Variants in RALGAPA2 observed in about 807,000 individuals in gnomAD.
The protein encoded by RALGAPA2 is Ral GTPase activating protein catalytic subunit alpha 2, also known as ral GTPase-activating protein subunit alpha-2.
Under a neutral mutation model 230.4 loss-of-function variants are expected in RALGAPA2, and 139 were observed. The ratio of observed to expected loss-of-function variants is 0.60; its 90% CI spans 0.53 to 0.69. RALGAPA2 has a LOEUF of 0.69. RALGAPA2 is among the 30% of genes least tolerant of loss of function. The pLI, the probability that RALGAPA2 is intolerant of heterozygous loss-of-function variation, is 0.00. For synonymous variants in RALGAPA2, 847 were observed against 837.8 expected, an observed-to-expected ratio of 1.01 and a Z score of -0.19; for missense variants, 2,163 against 2,276.0, an observed-to-expected ratio of 0.95 and a Z score of 1.01.
intron 9 of RALGAPA2, among the ~76,000 whole-genome samples, chr20:20,634,283 C>CT (rs892253392): frequency 2.2e-4 from 34 of 152,062 alleles, no homozygotes; most frequent in African/African-American, 7.2e-4. Context: ...ATTTCGAACT[C>CT]TAAGTTTTTA....
chr20:20,577,458 CA>C (rs1369171611), intron 20 of RALGAPA2, among the ~76,000 whole-genome samples: 1 of 152,148 alleles, frequency 6.6e-6, no homozygotes, highest in African/African-American at 2.4e-5. Context: ...GTAGTTCCCA[CA>C]AGAGTATCAT....
chr20:20,457,897 C>T (rs1363218533), intron 37 of RALGAPA2, among the ~76,000 whole-genome samples: 1 of 152,302 alleles, frequency 6.6e-6, no homozygotes, highest in Middle Eastern at 3.4e-3. Context: ...AGGGAACATG[C>T]CACGTGGGCA....
intron 37 of RALGAPA2, among the ~76,000 whole-genome samples, chr20:20,451,402 T>TA (rs979756021): frequency 1.3e-5 from 2 of 152,266 alleles, no homozygotes; most frequent in South Asian, 2.1e-4. Context: ...AATCTATTTT[T>TA]AAAAAAATCT....
At chr20:20,690,015 T>C (rs2068847007) in intron 1 of RALGAPA2, among the ~76,000 whole-genome samples, 1 of 152,180 alleles carries the variant, frequency 6.6e-6, no homozygotes, top group Admixed American at 6.5e-5. Context: ...GTCATATCTT[T>C]TTCAGTCTAA....
Position 20,712,110 on chromosome 20 carries a change from T to C in RALGAPA2, c.106+265A>G, listed in dbSNP as rs377634916. 3.9e-5 allele frequency among the ~76,000 whole-genome samples: 6 copies of C among 152,130 alleles called. No homozygotes were observed. In the East Asian group the frequency reaches 5.8e-4, roughly 15 times the overall value. The stretch of plus-strand genomic sequence containing the variant: ...GGGACAGGTACCTCTGTGCCCGGCC[T>C]CCAGGTTCTCCGGGAGCGCAGGCGC... On this transcript the variant is annotated intron_variant, in intron 1 of 39. Transcript: ENST00000202677. The surrounding 1 kb of genome is among the most constrained non-coding windows in gnomAD (Gnocchi z 5.5).
rs773936107 is a variant in RALGAPA2 at position 20,512,849 on chromosome 20, T to C, written c.4520A>G (p.Gln1507Arg). 1.2e-6 allele frequency: 2 copies of C among 1,613,566 alleles called. No homozygotes were observed. The highest frequency in any genetic ancestry group is 4.5e-5 in the East Asian group (2 of 44,890). ...SSWHRDTFGPQKDSSQVEEGD... is the reference protein window; with the variant it reads ...SSWHRDTFGPRKDSSQVEEGD... ...CTCCTCAACTTGAGAAGAGTCTTTC[T>C]GAGGTCCAAATGTGTCACGATGCCA... The change falls in exon 32 of 40, where the codon CAG becomes CGG. Residue 1507 changes from glutamine (Q) to arginine (R), a missense_variant. Transcript: ENST00000202677.
intron 1 of RALGAPA2, among the ~76,000 whole-genome samples, chr20:20,683,150 T>C (rs2068580442): frequency 6.6e-6 from 1 of 152,220 alleles, no homozygotes; most frequent in Non-Finnish European, 1.5e-5. Context: ...TATGCCATTC[T>C]GTTAGCCTGC....
At chr20:20,435,990 G>A (rs909949585) in intron 37 of RALGAPA2, among the ~76,000 whole-genome samples, 2 of 152,192 alleles carry the variant, frequency 1.3e-5, no homozygotes, top group African/African-American at 4.8e-5. Flanking sequence ...TTGAAATGGG[G>A]TGAGTTATGT....
At chr20:20,583,867 G>A (rs2065056678) in intron 19 of RALGAPA2, among the ~76,000 whole-genome samples, 1 of 152,172 alleles carries the variant, frequency 6.6e-6, no homozygotes, top group South Asian at 2.1e-4. Flanking sequence ...AGAGTCTCCT[G>A]TCTACTTCAT....
chr20:20,578,678 C>T (rs1385608934), intron 20 of RALGAPA2, among the ~76,000 whole-genome samples: 1 of 152,032 alleles, frequency 6.6e-6, no homozygotes, highest in Non-Finnish European at 1.5e-5. Context: ...AATGTAGCCT[C>T]GGTCTCTGAA....
intron 37 of RALGAPA2, among the ~76,000 whole-genome samples, chr20:20,460,153 G>A (rs1277542738): frequency 6.6e-6 from 1 of 152,168 alleles, no homozygotes; most frequent in Non-Finnish European, 1.5e-5. Context: ...CTTCTAGTTG[G>A]GGCTGGGAGA....
At chr20:20,684,338 A>G (rs1016388846) in intron 1 of RALGAPA2, among the ~76,000 whole-genome samples, 2 of 152,110 alleles carry the variant, frequency 1.3e-5, no homozygotes, top group Non-Finnish European at 2.9e-5. Context: ...CTACTGGGAG[A>G]TCAACAAGTC....
chr20:20,568,196 C>T (rs2064507743), intron 23 of RALGAPA2, among the ~76,000 whole-genome samples: 1 of 152,022 alleles, frequency 6.6e-6, no homozygotes, highest in African/African-American at 2.4e-5. Flanking sequence ...ATTTTGTAAA[C>T]CACTAACATC....
At chr20:20,424,255 A>G (rs1384035441) in intron 37 of RALGAPA2, among the ~76,000 whole-genome samples, 1 of 152,144 alleles carries the variant, frequency 6.6e-6, no homozygotes, top group African/African-American at 2.4e-5. Flanking sequence ...CCTTCTGCAA[A>G]TCACCAAGTG....
intron 38 of RALGAPA2, among the ~76,000 whole-genome samples, chr20:20,402,558 A>G (rs2059867767): frequency 6.6e-6 from 1 of 152,138 alleles, no homozygotes; most frequent in African/African-American, 2.4e-5. Context: ...GACAGGGGCT[A>G]TGTTCTGTGG....
At position 20,513,268 on chromosome 20, in the gene RALGAPA2, ACTT is replaced by A. The variant is rs762519973; in HGVS notation, c.4098_4100del (p.Arg1366del). The A allele has an allele frequency of 1.0e-4, 146 of 1,463,744 alleles. No homozygotes were observed. The highest frequency in any genetic ancestry group is 1.2e-4 in the Non-Finnish European group (137 of 1,108,576). The allele number at this position is 1,463,744 out of a possible 1,614,324, so 90.7% of individuals were successfully genotyped here. On this transcript the variant is annotated inframe_deletion, in exon 32 of 40. Transcript: ENST00000202677. ...GAGCAGTCAAAGGGATCAACTCCAA[ACTT>A]CTTCTCTTCTTCTCTGTAAACAGCG...
chr20:20,670,949 C>CA (rs576675004), intron 3 of RALGAPA2, among the ~76,000 whole-genome samples: 1,023 of 55,500 alleles, frequency 0.018, 5 homozygotes, highest in Admixed American at 0.028. Flanking sequence ...GACTCCGTCT[C>CA]AAAAAAAAAA....
chr20:20,557,722 ACT>A (rs2064127639), intron 23 of RALGAPA2, among the ~76,000 whole-genome samples: 2 of 152,196 alleles, frequency 1.3e-5, no homozygotes, highest in Admixed American at 6.5e-5. Context: ...AAAACACAAC[ACT>A]ACTGAATTTG....
chr20:20,629,018 T>C (rs961546832), intron 10 of RALGAPA2, among the ~76,000 whole-genome samples: 2 of 152,150 alleles, frequency 1.3e-5, no homozygotes, highest in Admixed American at 6.5e-5. Context: ...CTTTGCTATG[T>C]TCATTTGTTG....
Sources: allele counts gnomAD v4.1 joint callset (sites outside exome capture counted in the v4.1 genomes callset), GRCh38; gene constraint gnomAD v4.1.1; non-coding constraint Gnocchi (gnomAD v3.1); transcripts MANE v1.5; gene names NCBI Gene and HGNC (gene_info 2026-07-23, HGNC 2026-07-21).